The following POM121 variants were observed in gnomAD, a reference collection of about 807,000 sequenced individuals.
The protein encoded by POM121 is POM121 transmembrane nucleoporin.
POM121 carries 32 observed loss-of-function variants against 81.3 expected under a neutral mutation model. The ratio of observed to expected loss-of-function variants is 0.39; its 90% CI spans 0.30 to 0.53. POM121 has a LOEUF of 0.53. Among genes scored for constraint, POM121 ranks in the 20% least tolerant of loss-of-function variants. The pLI is 0.66. For missense variants in POM121, 1,138 were observed against 1,614.6 expected (o/e 0.70, Z 5.06); for synonymous variants, 514 against 694.2 (o/e 0.74, Z 4.08).
chr7:72,938,391 A>C (rs149721898), intron 5 of POM121, among the ~76,000 whole-genome samples, 199 bp from the exon 6 acceptor site: 10 of 152,088 alleles, frequency 6.6e-5, no homozygotes, highest in South Asian at 2.1e-4. Context: ...GGGTCTCGCT[A>C]TGTTACCCAG....
At chr7:72,925,829 C>T in intron 1 of POM121, 64 bp downstream of exon 1, 1 of 1,281,134 alleles carries the variant, frequency 7.8e-7, no homozygotes, top group Non-Finnish European at 9.9e-7. Context: ...GAGGACTTGA[C>T]TTTTAAATCC....
rs1410353586 is a variant in POM121, at chr7:72,945,707, C to T, written c.3651C>T (p.Phe1217=). ...PAQGFVGVAP[F]GSAALSFSIG... ...AAGGCTTTGTTGGTGTTGCACCTTT[C>T]GGTAAGCAGCAAGCCACCCTGTGGC... The change falls in exon 12 of 13, where the codon TTC becomes TTT. Residue 1217 remains phenylalanine, a splice_region_variant and synonymous_variant. Coordinates refer to ENST00000434423, the MANE Select transcript of POM121 (RefSeq NM_001387691.1). 7.5e-6 allele frequency: 12 copies of T among 1,607,824 alleles called. No homozygotes were observed. The highest frequency in any genetic ancestry group is 5.4e-5 in the African/African-American group (4 of 74,756).
intron 3 of POM121, 112 bp downstream of exon 3, chr7:72,927,075 A>G (rs1795529070): frequency 1.9e-6 from 3 of 1,542,668 alleles, no homozygotes; most frequent in Admixed American, 3.6e-5. Context: ...GAGCCTTCGT[A>G]GGCCCCCTTC....
intron 4 of POM121, among the ~76,000 whole-genome samples, chr7:72,929,618 C>T (rs1186494809): frequency 6.6e-6 from 1 of 152,188 alleles, no homozygotes; most frequent in African/African-American, 2.4e-5. Flanking sequence ...ACATCCTTCA[C>T]CTCCAAAAGT....
At chr7:72,939,566 T>C (rs1796859272) in intron 7 of POM121, among the ~76,000 whole-genome samples, 157 bp downstream of exon 7, 1 of 152,202 alleles carries the variant, frequency 6.6e-6, no homozygotes, top group Non-Finnish European at 1.5e-5. Context: ...CAGAAGTTTA[T>C]AGTCTGATGA....
rs1793936180 is a variant in POM121 at position 72,912,831 on chromosome 7, A to C, written c.-215-934A>C. 2.0e-5 allele frequency among the ~76,000 whole-genome samples: 3 copies of C among 152,310 alleles called. No individual in the cohort carries two copies. The South Asian group carries it at 6.2e-4, about 32-fold the overall frequency. ...GTTGAGTCAGGGCATTTCCCGCAGA[A>C]GCAGAATGAGCAAAACTTGAGAGCC... On this transcript the variant is annotated intron_variant, in intron 3 of 15. Coordinates refer to the POM121 transcript ENST00000395270.
intron 3 of POM121, among the ~76,000 whole-genome samples, chr7:72,907,834 G>A (rs1297641426): frequency 6.6e-6 from 1 of 152,032 alleles, no homozygotes; most frequent in African/African-American, 2.4e-5. Flanking sequence ...TTTGGGCACT[G>A]CACTCTTTCC....
At chr7:72,930,185 T>C in intron 5 of POM121, 74 bp downstream of exon 5, 1 of 1,495,540 alleles carries the variant, frequency 6.7e-7, no homozygotes, top group Non-Finnish European at 9.0e-7. Context: ...CCAGACATGG[T>C]AGCTTAGCCA....
intron 1 of POM121, among the ~76,000 whole-genome samples, chr7:72,887,405 C>G (rs1790831319): frequency 6.6e-6 from 1 of 152,162 alleles, no homozygotes; most frequent in Non-Finnish European, 1.5e-5. Context: ...CTCCTCACAT[C>G]TGCCTCGGTT....
chr7:72,893,499 G>A (rs1278133936), intron 3 of POM121, among the ~76,000 whole-genome samples: 2 of 152,148 alleles, frequency 1.3e-5, no homozygotes, highest in East Asian at 2.0e-4. Flanking sequence ...CAAGAGAATG[G>A]CCTGAACCCG....
At chr7:72,949,989 A>G, downstream of POM121, 5 of 1,580,662 alleles carry the variant, frequency 3.2e-6, no homozygotes, top group Non-Finnish European at 4.3e-6. Flanking sequence ...GGGGCCGGGT[A>G]AACAGAGACC....
At position 72,896,073 on chromosome 7, in the gene POM121, A is replaced by G. The variant is rs181445842; in HGVS notation, c.-216+4963A>G. The stretch of plus-strand genomic sequence containing the variant: ...GCATCATGAGTTCAAAGGGGAGAGT[A>G]AGGGGAAGAAGCTGAATTGGGGATT... On this transcript the variant is annotated intron_variant, in intron 3 of 15. Transcript: ENST00000395270. Among the ~76,000 whole-genome samples the G allele has an allele frequency of 9.0e-4, 137 of 152,040 alleles. 1 individual carries two copies. In the South Asian group the frequency reaches 9.8e-3, roughly 11 times the overall value.
At chr7:72,915,540 A>G (rs1563147383) in intron 4 of POM121, among the ~76,000 whole-genome samples, 1 of 151,868 alleles carries the variant, frequency 6.6e-6, no homozygotes, top group African/African-American at 2.4e-5. Context: ...ACCCGGCTAA[A>G]TTTTTTGTAT....
intron 1 of POM121, among the ~76,000 whole-genome samples, chr7:72,889,630 C>A (rs2129574761): frequency 6.6e-6 from 1 of 152,286 alleles, no homozygotes; most frequent in Non-Finnish European, 1.5e-5. Context: ...CCTTAGCTTC[C>A]CAAGTAGCTG....
At chr7:72,896,931 T>A (rs1366765724) in intron 3 of POM121, among the ~76,000 whole-genome samples, 1 of 152,258 alleles carries the variant, frequency 6.6e-6, no homozygotes, top group Non-Finnish European at 1.5e-5. Flanking sequence ...CTAAAATATA[T>A]GTGTCAAGGC....
intron 5 of POM121, among the ~76,000 whole-genome samples, chr7:72,938,118 C>T (rs1376209258): frequency 3.3e-5 from 5 of 152,174 alleles, no homozygotes; most frequent in African/African-American, 7.2e-5. Context: ...TACCTTTATT[C>T]GCATTCCATT....
At position 72,942,783 on chromosome 7, in the gene POM121, G is replaced by A. The variant is rs199710246; in HGVS notation, c.2790G>A (p.Pro930=). ...GCAGCACCCTCGCCACCTCCGCCCC[G>A]GCCACCAGCAGCCAGCCCACTCTGA... ...GFGSTLATSA[P]ATSSQPTLTF... Residue 930 remains proline (P), a synonymous_variant, in exon 11 of 13, where the codon CCG becomes CCA. Coordinates refer to ENST00000434423, the MANE Select transcript of POM121 (RefSeq NM_001387691.1). 1.7e-3 allele frequency: 2,328 copies of A among 1,401,640 alleles called. 12 individuals carry two copies. The highest frequency in any genetic ancestry group is 0.011 in the Admixed American group (404 of 37,798). The allele number at this position is 1,401,640 out of a possible 1,614,324, so 86.8% of individuals were successfully genotyped here. A position where few individuals can be genotyped will look rare whatever the true frequency, so the allele number is the denominator to read the frequency against.
Position 72,942,928 on chromosome 7 carries a change from C to A in POM121, c.2935C>A (p.Pro979Thr). The change falls in exon 11 of 13, where the codon CCA becomes ACA. Residue 979 changes from proline (P) to threonine (T), a missense_variant. By Grantham distance (38) the Pro-to-Thr change is conservative (BLOSUM62 -1). Transcript: ENST00000434423. ...CGCATTTGGGGCCGCTGAGGGGCAG[C>A]CACCGGGGGCCGCCAAGCCGGCCCT... ...QPAFGAAEGQPPGAAKPALAP... is the reference protein window; with the variant it reads ...QPAFGAAEGQTPGAAKPALAP... 6.2e-7 allele frequency: 1 copy of A among 1,602,742 alleles called. No homozygotes were observed.
chr7:72,926,850 C>A lies in POM121; in HGVS notation c.909C>A (p.Ala303=), dbSNP rs781958495. 6.2e-7 allele frequency: 1 copy of A among 1,613,794 alleles called. No individual in the cohort carries two copies. Among genetic ancestry groups the A allele is most frequent in the Non-Finnish European group, 8.5e-7 (1 of 1,179,876 alleles). ...CACTGTCCTCACCATCAAGTAACGCCCCAGACCCATGTGCAAAGGAGACAG... is the reference window on the plus strand; with the variant it reads ...CACTGTCCTCACCATCAAGTAACGCACCAGACCCATGTGCAAAGGAGACAG... ...SSTLSSPSSN[A]PDPCAKETVL... The change falls in exon 3 of 13, where the codon GCC becomes GCA. Residue 303 remains alanine (A), a synonymous_variant. Transcript: ENST00000434423.
Sources: allele counts gnomAD v4.1 joint callset (sites outside exome capture counted in the v4.1 genomes callset), GRCh38; gene constraint gnomAD v4.1.1; transcripts MANE v1.5; gene names NCBI Gene and HGNC (gene_info 2026-07-23, HGNC 2026-07-21).